The following TMEM258 variants were observed in gnomAD, a reference collection of about 807,000 sequenced individuals.
The protein encoded by TMEM258 is dolichyl-diphosphooligosaccharide--protein glycosyltransferase subunit TMEM258.
Under a neutral mutation model 9.9 loss-of-function variants are expected in TMEM258, and 11 were observed. That is an observed-to-expected ratio of 1.11 (90% CI 0.70 to 1.85). The LOEUF (loss-of-function observed/expected upper bound fraction) is 1.85, where lower values mean the gene tolerates loss of function less well. Ranked by LOEUF, TMEM258 falls within the 40% of genes most tolerant of loss-of-function variation. The probability of loss-of-function intolerance (pLI) is 0.00; values close to 1 mark genes in which losing one functional copy is unlikely to be tolerated. For synonymous variants in TMEM258, 40 were observed against 39.1 expected, an observed-to-expected ratio of 1.02 and a Z score of -0.09; for missense variants, 81 against 99.7, an observed-to-expected ratio of 0.81 and a Z score of 0.80.
At chr11:61,789,377 G>A (rs926527315) in intron 3 of TMEM258, 142 bp from the exon 4 acceptor site, 1 of 168,958 alleles carries the variant, frequency 5.9e-6, no homozygotes, top group Non-Finnish European at 1.3e-5. Context: ...CTAGTGGCCT[G>A]TTTGGTGGAT....
In TMEM258 at chr11:61,790,537, C is replaced by G. The variant is rs1229659980; in HGVS notation, c.69G>C (p.Val23=). The G allele has an allele frequency of 6.2e-7, 1 of 1,614,110 alleles. No individual in the cohort carries two copies. ...AGAACATGCCAATGGCCAAAAGCAC[C>G]ACGGTCAGATGGGGGAAGACAGCTG... The part of the protein sequence containing the change: ...VNPAVFPHLT[V]VLLAIGMFFT... Residue 23 remains valine, a synonymous_variant, in exon 2 of 4, where the codon GTG becomes GTC. Coordinates refer to ENST00000537328, the MANE Select transcript of TMEM258 (RefSeq NM_014206.4).
intron 2 of TMEM258, 138 bp from the exon 3 acceptor site, chr11:61,790,059 G>C: frequency 9.2e-7 from 1 of 1,086,476 alleles, no homozygotes; most frequent in Non-Finnish European, 1.3e-6. Flanking sequence ...CAGGCAGAGG[G>C]GCCTAAGAGA....
At chr11:61,790,432 T>A in intron 2 of TMEM258, 61 bp downstream of exon 2, 2 of 1,497,642 alleles carry the variant, frequency 1.3e-6, no homozygotes, top group Non-Finnish European at 1.8e-6. Flanking sequence ...CCTAGCGTGG[T>A]TTCTCCCTGA....
At chr11:61,790,263 G>T in intron 2 of TMEM258, 1 of 590,822 alleles carries the variant, frequency 1.7e-6, no homozygotes, top group Non-Finnish European at 3.0e-6. Flanking sequence ...ACTCCAGCCA[G>T]GTCCCCTGCT....
At chr11:61,792,331 T>C (rs2066790503) in intron 1 of TMEM258, 2 of 572,086 alleles carry the variant, frequency 3.5e-6, no homozygotes, top group Admixed American at 6.3e-5. Flanking sequence ...AACTGGAAGG[T>C]ATTCAAAATT....
intron 2 of TMEM258, 115 bp from the exon 3 acceptor site, chr11:61,790,036 G>A (rs1204779091): frequency 3.7e-6 from 5 of 1,348,042 alleles, no homozygotes; most frequent in Non-Finnish European, 5.0e-6. Context: ...AGGCCTATCT[G>A]GCTCAGAGCA....
At chr11:61,789,367 C>CT (rs1168192295) in intron 3 of TMEM258, 132 bp from the exon 4 acceptor site, 1 of 166,054 alleles carries the variant, frequency 6.0e-6, no homozygotes, top group East Asian at 1.7e-4. Context: ...GAGCTGATTC[C>CT]TAGTGGCCTG....
At chr11:61,791,410 G>GA (rs1206348535) in intron 1 of TMEM258, 5 of 151,940 alleles carry the variant, frequency 3.3e-5, no homozygotes, top group Non-Finnish European at 7.4e-5. Context: ...TTACAGGCGT[G>GA]AACCACCATG....
chr11:61,789,639 G>A (rs558001287), intron 3 of TMEM258, 146 bp downstream of exon 3: 3 of 920,498 alleles, frequency 3.3e-6, no homozygotes, highest in South Asian at 3.6e-5. Flanking sequence ...AATGTCTAGT[G>A]TCCCTACCCA....
At chr11:61,791,502 T>A (rs1034764821) in intron 1 of TMEM258, 3 of 152,208 alleles carry the variant, frequency 2.0e-5, no homozygotes, top group Non-Finnish European at 2.9e-5. Flanking sequence ...GACCTCCTGA[T>A]CCGCTCGCCT....
At chr11:61,789,715 C>T in intron 3 of TMEM258, 70 bp downstream of exon 3, 1 of 1,508,630 alleles carries the variant, frequency 6.6e-7, no homozygotes, top group Non-Finnish European at 8.8e-7. Context: ...ACCCTGCTGA[C>T]CTGACTCTGG....
At position 61,789,883 on chromosome 11, in the gene TMEM258, T is replaced by C. The variant is rs550919225; in HGVS notation, c.152A>G (p.Tyr51Cys). 3.1e-6 allele frequency: 5 copies of C among 1,613,502 alleles called. No homozygotes were observed. In the African/African-American group the frequency reaches 4.0e-5, roughly 13 times the overall value. The change falls in exon 3 of 4, where the codon TAT becomes TGT. Residue 51 changes from tyrosine (Y) to cysteine (C), a missense_variant. Coordinates refer to ENST00000537328, the MANE Select transcript of TMEM258 (RefSeq NM_014206.4). ...VTSTKYTRDI[Y>C]KELLISLVAS... ...CACTAAGGAGATGAGGAGCTCTTTA[T>C]AGATATCACGAGTGTACTTGGTAGA...
chr11:61,790,026 A>C, intron 2 of TMEM258, 105 bp from the exon 3 acceptor site: 2 of 1,426,356 alleles, frequency 1.4e-6, no homozygotes, highest in Non-Finnish European at 1.9e-6. Flanking sequence ...GCCTTCTGGG[A>C]GGCCTATCTG....
intron 1 of TMEM258, among the ~76,000 whole-genome samples, chr11:61,791,045 G>A (rs1162716646): frequency 6.6e-6 from 1 of 151,924 alleles, no homozygotes; most frequent in African/African-American, 2.4e-5. Flanking sequence ...TCTGCCTCCC[G>A]GGTTCTAGAG....
At chr11:61,790,463 T>C in intron 2 of TMEM258, 30 bp downstream of exon 2, 3 of 1,595,860 alleles carry the variant, frequency 1.9e-6, no homozygotes, top group Non-Finnish European at 2.6e-6. Flanking sequence ...TCACTAATGC[T>C]GGTCCTCTGG....
chr11:61,791,259 ATT>A (rs371129621), intron 1 of TMEM258, among the ~76,000 whole-genome samples: 1 of 142,390 alleles, frequency 7.0e-6, no homozygotes, highest in Admixed American at 7.0e-5. Flanking sequence ...CCCAGGCTCA[ATT>A]TTTTTTTTTT....
At chr11:61,790,028 G>A in intron 2 of TMEM258, 107 bp from the exon 3 acceptor site, 4 of 1,405,300 alleles carry the variant, frequency 2.8e-6, no homozygotes, top group Non-Finnish European at 3.8e-6. Flanking sequence ...CTTCTGGGAG[G>A]CCTATCTGGC....
At chr11:61,790,370 C>T in intron 2 of TMEM258, 123 bp downstream of exon 2, 1 of 883,922 alleles carries the variant, frequency 1.1e-6, no homozygotes, top group Non-Finnish European at 1.8e-6. Flanking sequence ...TCCTCTCCTC[C>T]TTACCTTCTC....
At chr11:61,789,567 G>A (rs575889817) in intron 3 of TMEM258, 17 of 516,836 alleles carry the variant, frequency 3.3e-5, no homozygotes, top group Admixed American at 1.1e-4. Flanking sequence ...TGGGCCATGT[G>A]AGCTCAGAAC....
Sources: allele counts gnomAD v4.1 joint callset (sites outside exome capture counted in the v4.1 genomes callset), GRCh38; gene constraint gnomAD v4.1.1; transcripts MANE v1.5; gene names NCBI Gene and HGNC (gene_info 2026-07-23, HGNC 2026-07-21).